Variants in CNNM2 observed in about 807,000 individuals in gnomAD.
CNNM2 encodes the protein cyclin and CBS domain divalent metal cation transport mediator 2, also known as metal transporter CNNM2.
Under a neutral mutation model 66.9 loss-of-function variants are expected in CNNM2, and 12 were observed. That is an observed-to-expected ratio of 0.18 (90% CI 0.11 to 0.29). CNNM2 has a LOEUF of 0.29. Among genes scored for constraint, CNNM2 ranks in the 10% least tolerant of loss-of-function variants. The pLI is 1.00. For missense variants in CNNM2, 705 were observed against 1,167.7 expected (o/e 0.60, Z 5.77); for synonymous variants, 557 against 501.8 (o/e 1.11, Z -1.47).
At chr10:103,051,512 G>A (rs1291674318) in intron 2 of CNNM2, among the ~76,000 whole-genome samples, 1 of 151,346 alleles carries the variant, frequency 6.6e-6, no homozygotes, top group Non-Finnish European at 1.5e-5. Flanking sequence ...AGGCCGAGGC[G>A]GGTGGATCAC....
chr10:102,977,350 C>A (rs536573358), intron 1 of CNNM2, among the ~76,000 whole-genome samples: 1 of 152,150 alleles, frequency 6.6e-6, no homozygotes, highest in Admixed American at 6.5e-5. Flanking sequence ...AACATTTCTT[C>A]TGAGCATCAT....
intron 1 of CNNM2, among the ~76,000 whole-genome samples, chr10:102,972,184 T>C (rs2063555803): frequency 6.6e-6 from 1 of 152,222 alleles, no homozygotes; most frequent in African/African-American, 2.4e-5. Flanking sequence ...AGTGTAACTA[T>C]CTTAATTCAG....
chr10:102,920,364 T>C (rs1249979215), intron 1 of CNNM2, among the ~76,000 whole-genome samples: 1 of 151,980 alleles, frequency 6.6e-6, no homozygotes, highest in Non-Finnish European at 1.5e-5. Context: ...TTTCTGTGCA[T>C]GACACTTATT....
Position 103,081,108 on chromosome 10 carries a change from C to G in CNNM2, c.*3928C>G, listed in dbSNP as rs1484676404. ...GGTGCTCACCTTGTTCTCTGGGGCT[C>G]CAAGCAAGAGCAGGCCAGGGAGGGC... On this transcript the variant is annotated 3_prime_UTR_variant, in exon 8 of 8. Transcript: ENST00000369878. The G allele has an allele frequency of 6.6e-6, 1 of 152,222 alleles. No individual in the cohort carries two copies. Among genetic ancestry groups the G allele is most frequent in the African/African-American group, 2.4e-5 (1 of 41,436 alleles). The allele number at this position is 152,222 out of a possible 1,614,324, so 9.4% of individuals were successfully genotyped here.
chr10:103,076,978 G>T lies in CNNM2; in HGVS notation c.2426G>T (p.Arg809Ile). 1 of 1,613,720 alleles carries T rather than the reference G, an allele frequency of 6.2e-7. No homozygotes were observed. The highest frequency in any genetic ancestry group is 1.1e-5 in the South Asian group (1 of 91,084). Residue 809 changes from arginine (R) to isoleucine (I), a missense_variant, in exon 8 of 8, where the codon AGA becomes ATA. Transcript: ENST00000369878. ...GCCATCTTCTGGCCCCAGATCTCAA[G>T]ACAGCAATACCAAAATGCCTTGATG... is the stretch of plus-strand genomic sequence containing the variant. ...LSDLQFVKISRQQYQNALMAS... is the reference protein window; with the variant it reads ...LSDLQFVKISIQQYQNALMAS...
chr10:103,017,159 G>A (rs912845030), intron 1 of CNNM2, among the ~76,000 whole-genome samples: 3 of 151,986 alleles, frequency 2.0e-5, no homozygotes, highest in Admixed American at 6.6e-5. Flanking sequence ...TTTCTTTTAC[G>A]CTGTTCGTCG....
intron 1 of CNNM2, among the ~76,000 whole-genome samples, chr10:102,975,379 A>C (rs2063609943): frequency 6.6e-6 from 1 of 150,996 alleles, no homozygotes. Context: ...CTTCAGCCTT[A>C]GCATTGAATT....
intron 5 of CNNM2, among the ~76,000 whole-genome samples, chr10:103,071,297 G>A (rs1004938844): frequency 2.6e-5 from 4 of 152,168 alleles, no homozygotes; most frequent in Admixed American, 6.5e-5. Context: ...ATTTGAAAGC[G>A]TTCCTAACAA....
chr10:102,994,796 G>GC (rs1255117393), intron 1 of CNNM2, among the ~76,000 whole-genome samples: 6 of 152,228 alleles, frequency 3.9e-5, no homozygotes, highest in Admixed American at 3.9e-4. Context: ...AAATGCCTTG[G>GC]CCTATGCCTG....
chr10:102,994,502 T>C (rs1564836651), intron 1 of CNNM2, among the ~76,000 whole-genome samples: 1 of 152,228 alleles, frequency 6.6e-6, no homozygotes, highest in Non-Finnish European at 1.5e-5. Context: ...TTGAGGAACT[T>C]ACGTTCTAGA....
chr10:102,919,017 G>T lies in CNNM2; in HGVS notation c.537G>T (p.Pro179=), dbSNP rs1240739614. ...TSGIIEIEIK[P]LRKMEKSKSY... The stretch of plus-strand genomic sequence containing the variant: ...GCATCATCGAGATCGAGATCAAACC[G>T]CTACGCAAGATGGAGAAGAGCAAGT... The change falls in exon 1 of 8, where the codon CCG becomes CCT. Residue 179 remains proline, a synonymous_variant. Transcript: ENST00000369878. 1.9e-6 allele frequency: 3 copies of T among 1,612,760 alleles called. No individual in the cohort carries two copies. The highest frequency in any genetic ancestry group is 2.5e-6 in the Non-Finnish European group (3 of 1,179,514).
chr10:103,015,993 T>A (rs1000972599), intron 1 of CNNM2, among the ~76,000 whole-genome samples: 3 of 152,162 alleles, frequency 2.0e-5, no homozygotes, highest in Non-Finnish European at 2.9e-5. Flanking sequence ...CTTTTAAGAT[T>A]TCTCCCCTTT....
chr10:102,962,498 A>G (rs2063397591), intron 1 of CNNM2, among the ~76,000 whole-genome samples: 1 of 152,170 alleles, frequency 6.6e-6, no homozygotes, highest in South Asian at 2.1e-4. Flanking sequence ...GGCATGGTCT[A>G]ACTCAGACAC....
chr10:103,008,871 A>AT (rs2064280892), intron 1 of CNNM2, among the ~76,000 whole-genome samples: 1 of 151,920 alleles, frequency 6.6e-6, no homozygotes, highest in South Asian at 2.1e-4. Flanking sequence ...GTAAAACAAG[A>AT]TTTTTCGAGT....
intron 1 of CNNM2, among the ~76,000 whole-genome samples, chr10:102,987,233 C>T (rs2063812739): frequency 1.3e-5 from 2 of 152,104 alleles, no homozygotes; most frequent in Admixed American, 1.3e-4. Flanking sequence ...CGGTAGTCCT[C>T]AAGGTAAATT....
intron 1 of CNNM2, among the ~76,000 whole-genome samples, chr10:103,032,543 G>A (rs1273876632): frequency 6.6e-6 from 1 of 151,740 alleles, no homozygotes; most frequent in Non-Finnish European, 1.5e-5. Flanking sequence ...TGTTTCTAGA[G>A]TTTTCTATAT....
chr10:103,030,187 T>G (rs1034554540), intron 1 of CNNM2, among the ~76,000 whole-genome samples: 2 of 152,088 alleles, frequency 1.3e-5, no homozygotes, highest in Admixed American at 1.3e-4. Flanking sequence ...TAGAGAAGGA[T>G]CCCATCATGA....
intron 1 of CNNM2, among the ~76,000 whole-genome samples, chr10:103,022,046 T>C (rs1365751546): frequency 1.3e-5 from 2 of 152,108 alleles, no homozygotes; most frequent in Non-Finnish European, 2.9e-5. Context: ...GCATTCTGAG[T>C]GAGTGAAAGC....
At position 103,017,939 on chromosome 10, in the gene CNNM2, G is replaced by A. The variant is rs984497441; in HGVS notation, c.1622-31768G>A. On this transcript the variant is annotated intron_variant, in intron 1 of 7. Coordinates refer to ENST00000369878, the MANE Select transcript of CNNM2 (RefSeq NM_017649.5). ...AGTTAGCACCATTGCTCTCCAGCCT[G>A]GGGGACAGAGCAAGAATCTGTCTCA... is the stretch of plus-strand genomic sequence containing the variant. Among the ~76,000 whole-genome samples the A allele has an allele frequency of 7.4e-5, 10 of 135,548 alleles. No homozygotes were observed. In the South Asian group the frequency reaches 9.0e-4, roughly 12 times the overall value. 88.9% of individuals were successfully genotyped at this position (135,548 alleles called of 152,430 possible). A position where few individuals can be genotyped will look rare whatever the true frequency, so the allele number is the denominator to read the frequency against.
Sources: allele counts gnomAD v4.1 joint callset (sites outside exome capture counted in the v4.1 genomes callset), GRCh38; gene constraint gnomAD v4.1.1; transcripts MANE v1.5; gene names NCBI Gene and HGNC (gene_info 2026-07-23, HGNC 2026-07-21).